STK31: variants seen among roughly 807,000 people sequenced by gnomAD.
STK31 encodes serine/threonine kinase 31.
A neutral mutation model predicts 129.7 loss-of-function variants in STK31; 89 were observed. That is an observed-to-expected ratio of 0.69 (90% CI 0.58 to 0.82). The LOEUF (loss-of-function observed/expected upper bound fraction) is 0.82. Ranked by LOEUF, STK31 falls within the 40% of genes least tolerant of loss-of-function variation. The pLI, the probability that STK31 is intolerant of heterozygous loss-of-function variation, is 0.00. For synonymous variants in STK31, 448 were observed against 395.3 expected, an observed-to-expected ratio of 1.13 and a Z score of -1.58; for missense variants, 1,187 against 1,176.4, an observed-to-expected ratio of 1.01 and a Z score of -0.13.
At chr7:23,808,448 G>A (rs1016546172) in intron 22 of STK31, among the ~76,000 whole-genome samples, 1 of 152,078 alleles carries the variant, frequency 6.6e-6, no homozygotes, top group East Asian at 1.9e-4. Flanking sequence ...CCTGGTGAGA[G>A]TGGAAGTTTT....
At chr7:23,742,981 CTTG>C (rs1033375617) in intron 8 of STK31, among the ~76,000 whole-genome samples, 2 of 136,968 alleles carry the variant, frequency 1.5e-5, no homozygotes, top group African/African-American at 5.5e-5. Flanking sequence ...GAGACAGAGT[CTTG>C]CTCTGTCGCC....
chr7:23,762,802 G>C lies in STK31; in HGVS notation c.1295G>C (p.Ser432Thr). Residue 432 changes from serine (S) to threonine (T), a missense_variant and splice_region_variant, in exon 11 of 24, where the codon AGT becomes ACT. Physicochemically the swap from Ser to Thr is moderately conservative, Grantham distance 58 (BLOSUM62 1). This residue lies in a region of STK31 where 975 missense variants were observed against 934.9 expected (regional missense o/e 1.04). Transcript: ENST00000355870. ...QENIKTCEYV[S>T]EGNILIAQRN... ...GTTATTCTTTTTTTCTTCCTCCAGA[G>C]TGAAGGGAATATTTTGATTGCCCAA... 1.9e-6 allele frequency: 3 copies of C among 1,609,970 alleles called. No homozygotes were observed. Among genetic ancestry groups the C allele is most frequent in the African/African-American group, 1.3e-5 (1 of 74,900 alleles).
At chr7:23,814,366 G>A (rs1793340367) in intron 22 of STK31, among the ~76,000 whole-genome samples, 1 of 151,778 alleles carries the variant, frequency 6.6e-6, no homozygotes, top group African/African-American at 2.4e-5. Flanking sequence ...TAATTGCAAT[G>A]GGTGGAACTT....
chr7:23,727,536 T>C (rs1787157270), intron 5 of STK31: 2 of 402,832 alleles, frequency 5.0e-6, no homozygotes, highest in Non-Finnish European at 8.8e-6. Flanking sequence ...TTTTGGTGAC[T>C]AGTTATTTTT....
At position 23,758,409 on chromosome 7, in the gene STK31, C is replaced by G. The variant is rs189628942; in HGVS notation, c.1293+3935C>G. On this transcript the variant is annotated intron_variant, in intron 10 of 23. Coordinates refer to ENST00000355870, the MANE Select transcript of STK31 (RefSeq NM_031414.5). ...CTGTTTTGTTACTTTTTTTAAAAAA[C>G]AGACCCTAGATTCATTGATTTTTTT... Among the ~76,000 whole-genome samples, 6 of 152,174 alleles carry G rather than the reference C, an allele frequency of 3.9e-5. No individual in the cohort carries two copies. In the East Asian group the frequency reaches 1.2e-3, roughly 29 times the overall value.
At chr7:23,762,672 G>T in intron 10 of STK31, 129 bp from the exon 11 acceptor site, 1 of 1,047,204 alleles carries the variant, frequency 9.5e-7, no homozygotes. Flanking sequence ...TCTAAGGAGA[G>T]AAATGTCCTA....
At chr7:23,824,567 T>C (rs1234131274) in intron 23 of STK31, among the ~76,000 whole-genome samples, 2 of 152,326 alleles carry the variant, frequency 1.3e-5, no homozygotes, top group African/African-American at 4.8e-5. Context: ...GACTTCCTCT[T>C]TTCCTAATTG....
intron 4 of STK31, among the ~76,000 whole-genome samples, chr7:23,725,580 C>T (rs1324986775): frequency 6.6e-6 from 1 of 151,922 alleles, no homozygotes; most frequent in Non-Finnish European, 1.5e-5. Context: ...ATTTTTGTAT[C>T]CTTCCCAATC....
chr7:23,782,243 C>T (rs565122610), intron 16 of STK31, among the ~76,000 whole-genome samples: 15 of 151,982 alleles, frequency 9.9e-5, no homozygotes, highest in South Asian at 2.1e-4. Context: ...GAGGCCGAGG[C>T]GGGCGGATCA....
At chr7:23,775,601 G>C (rs933728538) in intron 15 of STK31, among the ~76,000 whole-genome samples, 9 of 152,076 alleles carry the variant, frequency 5.9e-5, no homozygotes, top group African/African-American at 2.2e-4. Context: ...ATTGTGAATG[G>C]GAGTTCACTC....
At position 23,740,400 on chromosome 7, in the gene STK31, A is replaced by G. The variant is rs188318419; in HGVS notation, c.1017+3322A>G. Reference sequence around the variant, plus strand: ...TATTCATAATGGATAAATCACCATTATTAAGTTTTTCATTAATCTGTGACC... The same window carrying G: ...TATTCATAATGGATAAATCACCATTGTTAAGTTTTTCATTAATCTGTGACC... On this transcript the variant is annotated intron_variant, in intron 8 of 23. Coordinates refer to ENST00000355870, the MANE Select transcript of STK31 (RefSeq NM_031414.5). Among the ~76,000 whole-genome samples, 692 of 152,258 alleles carry G rather than the reference A, an allele frequency of 4.5e-3. 3 individuals are homozygous for G. Among genetic ancestry groups the G allele is most frequent in the African/African-American group, 0.015 (611 of 41,542 alleles).
chr7:23,768,256 G>A (rs999593464), intron 11 of STK31, among the ~76,000 whole-genome samples: 1 of 152,026 alleles, frequency 6.6e-6, no homozygotes, highest in African/African-American at 2.4e-5. Flanking sequence ...CTATATCTAG[G>A]AGCAGTAGGC....
chr7:23,784,877 G>A (rs1160079334), intron 17 of STK31, among the ~76,000 whole-genome samples: 1 of 152,168 alleles, frequency 6.6e-6, no homozygotes. Context: ...CCAAACAGGG[G>A]CAGAGGTGTT....
At chr7:23,795,568 C>A (rs1332716673) in intron 22 of STK31, among the ~76,000 whole-genome samples, 1 of 152,210 alleles carries the variant, frequency 6.6e-6, no homozygotes, top group African/African-American at 2.4e-5. Context: ...GTCCTCCAGA[C>A]CCCAGAATGG....
rs781742564 is a variant in STK31, at chr7:23,735,587, GAATT to G, written c.536_539del (p.Ile179LysfsTer20). On this transcript the variant is annotated frameshift_variant, in exon 7 of 24. Coordinates refer to ENST00000355870, the MANE Select transcript of STK31 (RefSeq NM_031414.5). LOFTEE classifies it high-confidence loss of function. Reference sequence around the variant, plus strand: ...ATTTTTGAAAAGGAAATAAAAATGAGAATTAAAGCAACCTCTGAAGATGGAACAG... The same window carrying G: ...ATTTTTGAAAAGGAAATAAAAATGAGAAAGCAACCTCTGAAGATGGAACAG... 6.2e-7 allele frequency: 1 copy of G among 1,610,742 alleles called. No homozygotes were observed. The highest frequency in any genetic ancestry group is 1.1e-5 in the South Asian group (1 of 90,220).
chr7:23,710,107 A>G, upstream of STK31: 1 of 1,052,984 alleles, frequency 9.5e-7, no homozygotes, highest in South Asian at 1.6e-5. Context: ...AGCCAGCGTC[A>G]GGCGGCTCCC....
At chr7:23,791,403 A>G (rs1791608032) in intron 22 of STK31, 1 of 622,620 alleles carries the variant, frequency 1.6e-6, no homozygotes, top group African/African-American at 2.0e-5. Context: ...GTTCTCACTT[A>G]TAAGTGGGAG....
At chr7:23,780,377 C>G (rs1259539803) in intron 15 of STK31, among the ~76,000 whole-genome samples, 1 of 152,058 alleles carries the variant, frequency 6.6e-6, no homozygotes, top group African/African-American at 2.4e-5. Context: ...GTTTGTTTTG[C>G]CAAGGTTAAG....
chr7:23,766,406 G>A (rs1165869651), intron 11 of STK31, among the ~76,000 whole-genome samples: 1 of 152,160 alleles, frequency 6.6e-6, no homozygotes, highest in Non-Finnish European at 1.5e-5. Flanking sequence ...GGGACTACAG[G>A]CATGCACCAC....
Sources: allele counts gnomAD v4.1 joint callset (sites outside exome capture counted in the v4.1 genomes callset), GRCh38; gene constraint gnomAD v4.1.1; regional missense constraint gnomAD v4.1.1; transcripts MANE v1.5; gene names NCBI Gene and HGNC (gene_info 2026-07-23, HGNC 2026-07-21).